CABLES1: variants seen among roughly 807,000 people sequenced by gnomAD.
CABLES1 encodes Cdk5 and Abl enzyme substrate 1, also known as CDK5 and ABL1 enzyme substrate 1.
Under a neutral mutation model 57.8 loss-of-function variants are expected in CABLES1, and 36 were observed. The ratio of observed to expected loss-of-function variants is 0.62; its 90% confidence interval spans 0.48 to 0.82. The LOEUF is 0.82. CABLES1 is among the 40% of genes least tolerant of loss of function. CABLES1 has a pLI of 0.00. For missense variants in CABLES1, 767 were observed against 836.6 expected (o/e 0.92, Z 1.03); for synonymous variants, 374 against 363.0 (o/e 1.03, Z -0.35).
At chr18:23,134,931 G>C (rs1275601398), upstream of CABLES1, among the ~76,000 whole-genome samples, 1 of 152,158 alleles carries the variant, frequency 6.6e-6, no homozygotes, top group African/African-American at 2.4e-5. Context: ...GTTAGCGATA[G>C]CTTTACGGTG....
intron 1 of CABLES1, among the ~76,000 whole-genome samples, chr18:23,163,814 A>G (rs903073102): frequency 6.6e-6 from 1 of 152,200 alleles, no homozygotes; most frequent in Non-Finnish European, 1.5e-5. Context: ...CCTTCCCCGC[A>G]TGGAGGAGCG....
At chr18:23,233,776 A>G (rs2047582853) in intron 4 of CABLES1, among the ~76,000 whole-genome samples, 1 of 152,252 alleles carries the variant, frequency 6.6e-6, no homozygotes, top group East Asian at 1.9e-4. Flanking sequence ...AAAGATATTC[A>G]TTTTCTAGGT....
At chr18:23,143,676 C>T (rs1424494215) in intron 1 of CABLES1, among the ~76,000 whole-genome samples, 1 of 152,206 alleles carries the variant, frequency 6.6e-6, no homozygotes, top group African/African-American at 2.4e-5. Context: ...GGTTGTGCTT[C>T]CCCCACCCTA....
intron 1 of CABLES1, among the ~76,000 whole-genome samples, chr18:23,162,634 C>T (rs2047013266): frequency 6.6e-6 from 1 of 152,106 alleles, no homozygotes; most frequent in Non-Finnish European, 1.5e-5. Flanking sequence ...TTCAAAAGAA[C>T]AACAGAGGAG....
At chr18:23,220,803 C>G (rs182917053) in intron 4 of CABLES1, among the ~76,000 whole-genome samples, 51 of 152,316 alleles carry the variant, frequency 3.3e-4, no homozygotes, top group Non-Finnish European at 6.3e-4. Context: ...GCTCCCAAGG[C>G]AAATACCAGA....
chr18:23,194,747 T>C (rs1467286166), intron 3 of CABLES1, among the ~76,000 whole-genome samples: 1 of 152,246 alleles, frequency 6.6e-6, no homozygotes, highest in Non-Finnish European at 1.5e-5. Flanking sequence ...GAATGCTCTC[T>C]AAGGCGAAGT....
intron 4 of CABLES1, among the ~76,000 whole-genome samples, chr18:23,230,265 G>T (rs1052321159): frequency 6.6e-6 from 1 of 152,148 alleles, no homozygotes; most frequent in African/African-American, 2.4e-5. Context: ...CCAGCTACTC[G>T]GGAGGCTGAG....
At chr18:23,193,779 C>T (rs1198780794) in intron 2 of CABLES1, among the ~76,000 whole-genome samples, 1 of 152,110 alleles carries the variant, frequency 6.6e-6, no homozygotes, top group African/African-American at 2.4e-5. Context: ...ATAGTACAGG[C>T]AAATGCTATA....
chr18:23,194,971 ACT>A (rs1418741088), intron 3 of CABLES1, among the ~76,000 whole-genome samples: 1 of 151,918 alleles, frequency 6.6e-6, no homozygotes, highest in Non-Finnish European at 1.5e-5. Flanking sequence ...CCTGGCTTTA[ACT>A]CTCTTTTTAG....
intron 4 of CABLES1, among the ~76,000 whole-genome samples, chr18:23,231,914 C>T (rs1223808206): frequency 6.6e-6 from 1 of 152,086 alleles, no homozygotes; most frequent in African/African-American, 2.4e-5. Context: ...CAGGACAAGG[C>T]TGCCCCGGGG....
At chr18:23,189,131 G>A (rs2047223662) in intron 2 of CABLES1, 1 of 489,964 alleles carries the variant, frequency 2.0e-6, no homozygotes, top group Non-Finnish European at 3.6e-6. Flanking sequence ...AATTTGCATG[G>A]AGATTTGGGT....
intron 6 of CABLES1, among the ~76,000 whole-genome samples, chr18:23,236,354 A>G (rs911033185): frequency 6.6e-6 from 1 of 151,900 alleles, no homozygotes; most frequent in African/African-American, 2.4e-5. Flanking sequence ...CCCCCCAACA[A>G]TGACCTGGTT....
In CABLES1 at chr18:23,194,583, G is replaced by A. The variant is rs1483733301; in HGVS notation, c.1010+43G>A. On this transcript the variant is annotated intron_variant, in intron 3 of 9. Transcript: ENST00000256925. ...AAGCGGCTGCCAGCACCAGTGGGTG[G>A]AGACAGGGACTGGAGGAGGGGACAG... The A allele has an allele frequency of 4.5e-6, 6 of 1,328,082 alleles. No homozygotes were observed. In the East Asian group the frequency reaches 1.1e-4, roughly 25 times the overall value. 82.3% of individuals were successfully genotyped at this position (1,328,082 alleles called of 1,614,324 possible).
rs1169465867 is a variant in CABLES1, at chr18:23,259,735, C to CGCAGCCTTG, written c.*2370_*2378dup. ...GTGACACGGAACATTCCAGACACGT[C>CGCAGCCTTG]GCAGCCTTGGGCTTCGGCGAGGAGG... On this transcript the variant is annotated 3_prime_UTR_variant, in exon 10 of 10. Transcript: ENST00000256925. 2.6e-5 allele frequency: 4 copies of CGCAGCCTTG among 152,220 alleles called. No individual in the cohort carries two copies. Among genetic ancestry groups the CGCAGCCTTG allele is most frequent in the Non-Finnish European group, 4.4e-5 (3 of 68,078 alleles). The allele number at this position is 152,220 out of a possible 1,614,324, so 9.4% of individuals were successfully genotyped here.
chr18:23,229,150 C>T (rs1371450163), intron 4 of CABLES1, among the ~76,000 whole-genome samples: 6 of 152,192 alleles, frequency 3.9e-5, no homozygotes, highest in Non-Finnish European at 8.8e-5. Flanking sequence ...CGGTGGCTCA[C>T]GGCTGCAACC....
intron 3 of CABLES1, chr18:23,196,902 G>A (rs2117243): frequency 0.56 from 85,006 of 152,220 alleles, 24,007 homozygotes; most frequent in Middle Eastern, 0.66. Context: ...CTCAGTCTGC[G>A]GGCCAGATCC....
intron 7 of CABLES1, among the ~76,000 whole-genome samples, chr18:23,252,409 A>T (rs537442648): frequency 5.9e-5 from 9 of 152,300 alleles, no homozygotes; most frequent in African/African-American, 1.9e-4. Flanking sequence ...AAACTAAAAG[A>T]ACATTAGCTA....
chr18:23,189,619 C>T (rs549490347), intron 2 of CABLES1, among the ~76,000 whole-genome samples: 3 of 152,280 alleles, frequency 2.0e-5, no homozygotes, highest in Admixed American at 1.3e-4. Context: ...AGGGGCTTCC[C>T]GGGGACTGCA....
intron 1 of CABLES1, among the ~76,000 whole-genome samples, chr18:23,153,966 G>A (rs138757332): frequency 1.3e-3 from 196 of 152,194 alleles, no homozygotes; most frequent in Non-Finnish European, 2.0e-3. Context: ...AGGAGGCAGA[G>A]GTTCCAGTGA....
Sources: allele counts gnomAD v4.1 joint callset (sites outside exome capture counted in the v4.1 genomes callset), GRCh38; gene constraint gnomAD v4.1.1; transcripts MANE v1.5; gene names NCBI Gene and HGNC (gene_info 2026-07-23, HGNC 2026-07-21).